The following GABPB2 variants were observed in gnomAD, a reference collection of about 807,000 sequenced individuals.
The protein encoded by GABPB2 is GA binding protein transcription factor subunit beta 2, also known as GA-binding protein subunit beta-2.
In GABPB2, 23 loss-of-function variants were observed where a neutral mutation model predicts 39.1. That is an observed-to-expected ratio of 0.59 (90% CI 0.42 to 0.83). The LOEUF (loss-of-function observed/expected upper bound fraction) is 0.83, where lower values mean the gene tolerates loss of function less well. Ranked by LOEUF, GABPB2 falls within the 40% of genes least tolerant of loss-of-function variation. GABPB2 has a pLI of 0.00. For synonymous variants in GABPB2, 184 were observed against 199.3 expected (o/e 0.92, Z 0.65); for missense variants, 467 against 541.1 (o/e 0.86, Z 1.36).
At chr1:151,114,595 G>T (rs1014232948) in intron 7 of GABPB2, among the ~76,000 whole-genome samples, 6 of 152,108 alleles carry the variant, frequency 3.9e-5, no homozygotes, top group Non-Finnish European at 8.8e-5. Context: ...ATACTCGGGA[G>T]GCTGAGGCAG....
intron 1 of GABPB2, among the ~76,000 whole-genome samples, chr1:151,074,805 A>G (rs1677031298): frequency 6.6e-6 from 1 of 152,074 alleles, no homozygotes; most frequent in Non-Finnish European, 1.5e-5. Flanking sequence ...TTTATCAGCA[A>G]AGTCTTTATG....
chr1:151,106,055 A>C (rs1274177594), intron 6 of GABPB2, among the ~76,000 whole-genome samples: 1 of 150,874 alleles, frequency 6.6e-6, no homozygotes, highest in African/African-American at 2.4e-5. Flanking sequence ...TCCGCCTCCC[A>C]GGTTCAAGCA....
chr1:151,097,101 A>T (rs940923528), intron 4 of GABPB2, among the ~76,000 whole-genome samples: 3 of 151,980 alleles, frequency 2.0e-5, no homozygotes. Flanking sequence ...TAGTAGAGAC[A>T]GGGTTTCACC....
At chr1:151,083,591 G>A (rs1052256664) in intron 1 of GABPB2, among the ~76,000 whole-genome samples, 3 of 151,226 alleles carry the variant, frequency 2.0e-5, no homozygotes, top group South Asian at 2.1e-4. Flanking sequence ...CCGTCATCTC[G>A]CCACTGCACT....
At chr1:151,093,435 G>T in intron 4 of GABPB2, 49 bp downstream of exon 4, 2 of 1,439,654 alleles carry the variant, frequency 1.4e-6, no homozygotes, top group Non-Finnish European at 9.3e-7. Flanking sequence ...TGAAGTTAAG[G>T]ATTTTTTTGT....
At chr1:151,094,534 AG>A in intron 4 of GABPB2, among the ~76,000 whole-genome samples, 1 of 149,996 alleles carries the variant, frequency 6.7e-6, no homozygotes. Context: ...ATTTTTGTAG[AG>A]ACAGGGTTTC....
chr1:151,113,287 T>G (rs886140248), intron 7 of GABPB2, among the ~76,000 whole-genome samples: 6 of 151,366 alleles, frequency 4.0e-5, no homozygotes, highest in Non-Finnish European at 5.9e-5. Flanking sequence ...GCTAACGCGG[T>G]GAAACCCTGT....
At chr1:151,115,098 G>A (rs1680757084) in intron 7 of GABPB2, among the ~76,000 whole-genome samples, 1 of 152,102 alleles carries the variant, frequency 6.6e-6, no homozygotes, top group African/African-American at 2.4e-5. Context: ...GTAAGTGTGT[G>A]TTTTGTTTTG....
chr1:151,091,705 C>A (rs990809981), intron 3 of GABPB2, among the ~76,000 whole-genome samples: 3 of 151,898 alleles, frequency 2.0e-5, no homozygotes, highest in Non-Finnish European at 4.4e-5. Context: ...TCTCAAACTC[C>A]TGACCTTGTG....
intron 1 of GABPB2, among the ~76,000 whole-genome samples, chr1:151,082,975 CAAAAAA>C (rs751689061): frequency 8.6e-6 from 1 of 116,786 alleles, no homozygotes; most frequent in Non-Finnish European, 1.8e-5. Context: ...GACCCTGTCT[CAAAAAA>C]AAAAAAAAGA....
intron 6 of GABPB2, 114 bp from the exon 7 acceptor site, chr1:151,106,920 CTTT>C: frequency 6.8e-6 from 4 of 591,094 alleles, no homozygotes. Flanking sequence ...TTGAATCTCA[CTTT>C]TTTTTTTCAA....
chr1:151,079,166 A>G (rs984389800), intron 1 of GABPB2, among the ~76,000 whole-genome samples: 10 of 152,194 alleles, frequency 6.6e-5, no homozygotes, highest in Non-Finnish European at 8.8e-5. Context: ...CTTTAAAATC[A>G]TGGCTTGTTG....
chr1:151,100,047 G>C (rs975084703), intron 5 of GABPB2, among the ~76,000 whole-genome samples: 3 of 151,900 alleles, frequency 2.0e-5, no homozygotes, highest in African/African-American at 7.3e-5. Flanking sequence ...TCAGCAGGAT[G>C]ATACAAAAAC....
intron 1 of GABPB2, among the ~76,000 whole-genome samples, chr1:151,087,716 C>T (rs1227169442): frequency 6.6e-6 from 1 of 152,094 alleles, no homozygotes; most frequent in Non-Finnish European, 1.5e-5. Context: ...TATCCAAAGA[C>T]CTACAAACCT....
chr1:151,071,846 TAG>T (rs1483466695), intron 1 of GABPB2, among the ~76,000 whole-genome samples: 5 of 152,222 alleles, frequency 3.3e-5, no homozygotes, highest in African/African-American at 1.2e-4. Context: ...AAAAGAACCA[TAG>T]ATTCTTCCAT....
chr1:151,101,994 T>G (rs368517976), intron 5 of GABPB2, among the ~76,000 whole-genome samples: 1 of 152,156 alleles, frequency 6.6e-6, no homozygotes, highest in Non-Finnish European at 1.5e-5. Context: ...CACACAGATA[T>G]AAGAGAAGAA....
intron 7 of GABPB2, 22 bp from the exon 8 acceptor site, chr1:151,117,370 A>G (rs753023577): frequency 1.3e-5 from 21 of 1,607,918 alleles, no homozygotes; most frequent in East Asian, 4.5e-5. Flanking sequence ...ATCACCTCCA[A>G]TTGGTGTCCT....
chr1:151,117,904 G>A, intron 8 of GABPB2, 53 bp from the exon 9 acceptor site: 1 of 1,541,136 alleles, frequency 6.5e-7, no homozygotes, highest in Non-Finnish European at 8.9e-7. Context: ...TCTACTGTCT[G>A]GATAATTTAT....
chr1:151,124,089 A>C lies in GABPB2; in HGVS notation c.*5833A>C, dbSNP rs1681285908. ...AAAAAGAGGCCGGGCGCGGTGGCTC[A>C]CAAAAAAAAAAAAAAGAAAGAAAAA... On this transcript the variant is annotated 3_prime_UTR_variant, in exon 9 of 9. Transcript: ENST00000368918. 1 of 39,174 alleles carries C rather than the reference A, an allele frequency of 2.6e-5. No homozygotes were observed. The highest frequency in any genetic ancestry group is 1.2e-3 in the South Asian group (1 of 858). 2.4% of individuals were successfully genotyped at this position (39,174 alleles called of 1,614,324 possible).
Sources: gnomAD v4.1 joint callset for allele counts (sites outside exome capture counted in the v4.1 genomes callset) on GRCh38, gnomAD v4.1.1 for gene constraint, MANE v1.5 for transcripts, NCBI Gene and HGNC (gene_info 2026-07-23, HGNC 2026-07-21) for gene names.